The following SDK2 variants were observed in gnomAD, a reference collection of about 807,000 sequenced individuals.
The protein encoded by SDK2 is sidekick cell adhesion molecule 2.
In SDK2, 105 loss-of-function variants were observed where a neutral mutation model predicts 253.9. That is an observed-to-expected ratio of 0.41 (90% CI 0.35 to 0.49). The LOEUF (loss-of-function observed/expected upper bound fraction) is 0.49. Ranked by LOEUF, SDK2 falls within the 20% of genes least tolerant of loss-of-function variation. The pLI is 0.06. For missense variants in SDK2, 2,608 were observed against 3,003.0 expected, an observed-to-expected ratio of 0.87 and a Z score of 3.07; for synonymous variants, 1,249 against 1,234.9, an observed-to-expected ratio of 1.01 and a Z score of -0.24.
intron 38 of SDK2, among the ~76,000 whole-genome samples, chr17:73,364,031 C>T (rs998867495): frequency 7.9e-5 from 12 of 151,952 alleles, no homozygotes; most frequent in Middle Eastern, 3.4e-3. Context: ...CAGGTCTCTG[C>T]CCCTTGTTCT....
chr17:73,644,083 C>G lies in SDK2; in HGVS notation c.6G>C (p.Trp2Cys). 1.1e-5 allele frequency: 17 copies of G among 1,551,144 alleles called. No individual in the cohort carries two copies. Among genetic ancestry groups the G allele is most frequent in the Non-Finnish European group, 1.5e-5 (17 of 1,146,746 alleles). ...CTAGCAGTGTCCAGATCAAAAGCCC[C>G]CACATGGTGACCAGCCTGGAGAGGG... M[W>C]GLLIWTLLAL... The change falls in exon 1 of 45, where the codon TGG (tryptophan) becomes TGC (cysteine). Residue 2 changes from tryptophan to cysteine, a missense_variant. By Grantham distance (215) the Trp-to-Cys change is radical. Around this residue, in one of 2 missense-constraint regions of SDK2, gnomAD observed 1,505 missense variants for 1,859.1 expected, o/e 0.81. Coordinates refer to ENST00000392650, the MANE Select transcript of SDK2 (RefSeq NM_001144952.2). This position sits in a 1 kb window ranked among gnomAD's most constrained non-coding sequence, Gnocchi z 6.3.
chr17:73,505,545 GTCAATAGCTGGACCTCATCATCATCATCA>G (rs1567811729), intron 2 of SDK2, among the ~76,000 whole-genome samples: 29 of 130,866 alleles, frequency 2.2e-4, no homozygotes, highest in African/African-American at 8.1e-4. Flanking sequence ...CCTCATCATC[GTCAATAGCTGGACCTCATCATCATCATCA>G]TCAATAGCTG....
intron 3 of SDK2, among the ~76,000 whole-genome samples, chr17:73,461,461 G>C (rs1308402243): frequency 6.6e-6 from 1 of 152,262 alleles, no homozygotes; most frequent in African/African-American, 2.4e-5. Flanking sequence ...TTCAGACTGG[G>C]ATTTAGGTGA....
chr17:73,509,206 C>T (rs899684499), intron 1 of SDK2, among the ~76,000 whole-genome samples: 1 of 152,194 alleles, frequency 6.6e-6, no homozygotes, highest in Admixed American at 6.5e-5. Flanking sequence ...TTATCTGAGT[C>T]TCTATTTCTC....
intron 44 of SDK2, 112 bp from the exon 45 acceptor site, chr17:73,339,052 A>G: frequency 1.0e-6 from 1 of 968,724 alleles, no homozygotes; most frequent in Non-Finnish European, 1.6e-6. Flanking sequence ...TGCCTCTTTC[A>G]AGACTTGGAC....
chr17:73,481,370 G>A lies in SDK2; in HGVS notation c.225-9152C>T, dbSNP rs892171009. On this transcript the variant is annotated intron_variant, in intron 2 of 44. Transcript: ENST00000392650. This position sits in a 1 kb window ranked among gnomAD's most constrained non-coding sequence, Gnocchi z 4.5. ...AGGGAGGAACCCCTGACTCTGATGT[G>A]ATGGTTAATTTTAGGTGTCAACTTG... Among the ~76,000 whole-genome samples, 6 of 152,184 alleles carry A rather than the reference G, an allele frequency of 3.9e-5. No individual in the cohort carries two copies. The highest frequency in any genetic ancestry group is 2.0e-4 in the Admixed American group (3 of 15,286).
chr17:73,423,334 C>T, intron 14 of SDK2, 52 bp downstream of exon 14: 4 of 1,341,304 alleles, frequency 3.0e-6, no homozygotes, highest in Non-Finnish European at 3.9e-6. Context: ...AGGGCTGACT[C>T]CTAAGTCCAA....
chr17:73,503,347 C>T (rs1045962610), intron 2 of SDK2, among the ~76,000 whole-genome samples: 3 of 152,176 alleles, frequency 2.0e-5, no homozygotes, highest in Admixed American at 2.0e-4. Context: ...AAAATTGTGT[C>T]GTGCATGGTT....
chr17:73,408,177 G>A (rs183676473), intron 18 of SDK2, among the ~76,000 whole-genome samples: 24 of 149,282 alleles, frequency 1.6e-4, no homozygotes, highest in Admixed American at 5.4e-4. Flanking sequence ...TCAGCCTCCC[G>A]AGTAGCTGAG....
intron 1 of SDK2, among the ~76,000 whole-genome samples, chr17:73,562,172 A>G (rs987673216): frequency 1.3e-5 from 2 of 152,160 alleles, no homozygotes; most frequent in Non-Finnish European, 2.9e-5. Flanking sequence ...AAAGGATCCA[A>G]GTCAAAGCAA....
chr17:73,613,038 C>T (rs1567873340), intron 1 of SDK2, among the ~76,000 whole-genome samples: 2 of 152,192 alleles, frequency 1.3e-5, no homozygotes, highest in Non-Finnish European at 2.9e-5. Flanking sequence ...GTGGGAAACA[C>T]GGTCCCATTT....
At chr17:73,344,217 T>C in intron 44 of SDK2, among the ~76,000 whole-genome samples, 1 of 152,170 alleles carries the variant, frequency 6.6e-6, no homozygotes, top group East Asian at 1.9e-4. Flanking sequence ...AGAATGTCCT[T>C]TGAAAAATGT....
In SDK2 at chr17:73,363,175, C is replaced by T. The variant is rs544349793; in HGVS notation, c.5306-1330G>A. Among the ~76,000 whole-genome samples, 20 of 152,334 alleles carry T rather than the reference C, an allele frequency of 1.3e-4. No individual in the cohort carries two copies. In the East Asian group the frequency reaches 3.7e-3, roughly 28 times the overall value. On this transcript the variant is annotated intron_variant, in intron 38 of 44. Transcript: ENST00000392650. ...CTCAGCTCACTGAAACCTCCGCCTC[C>T]TGGGTTCAAGCGATTCTCCTGCCTC...
chr17:73,564,583 G>A (rs1354984201), intron 1 of SDK2, among the ~76,000 whole-genome samples: 1 of 152,182 alleles, frequency 6.6e-6, no homozygotes, highest in East Asian at 1.9e-4. Flanking sequence ...CCAGCACTTT[G>A]GGAGGTCGAG....
Position 73,481,315 on chromosome 17 carries a change from T to TGGA in SDK2, c.225-9100_225-9098dup, listed in dbSNP as rs2063722192. Among the ~76,000 whole-genome samples, 1 of 151,682 alleles carries TGGA rather than the reference T, an allele frequency of 6.6e-6. No individual in the cohort carries two copies. Among genetic ancestry groups the TGGA allele is most frequent in the South Asian group, 2.1e-4 (1 of 4,784 alleles). ...CCCCACCTTCTAGGGAACCTGAGGGTGGAGAGGGGGTACCCGCAGTGGACA... is the reference window on the plus strand; with the variant it reads ...CCCCACCTTCTAGGGAACCTGAGGGTGGAGGAGAGGGGGTACCCGCAGTGGACA... On this transcript the variant is annotated intron_variant, in intron 2 of 44. Coordinates refer to ENST00000392650, the MANE Select transcript of SDK2 (RefSeq NM_001144952.2). The surrounding 1 kb of genome is among the most constrained non-coding windows in gnomAD (Gnocchi z 4.5).
rs1257952409 is a variant in SDK2, at chr17:73,395,918, TTTTC to T, written c.3355-530_3355-527del. Among the ~76,000 whole-genome samples the T allele has an allele frequency of 6.6e-6, 1 of 150,520 alleles. No homozygotes were observed. Among genetic ancestry groups the T allele is most frequent in the African/African-American group, 2.5e-5 (1 of 40,220 alleles). Reference sequence around the variant, plus strand: ...TGCTGCATTTTCAGCCTCCTTTTTCTTTTCTTTTTTTTTTTTAAGACAGGGTCTG... The same window carrying T: ...TGCTGCATTTTCAGCCTCCTTTTTCTTTTTTTTTTTTTAAGACAGGGTCTG... On this transcript the variant is annotated intron_variant, in intron 24 of 44. Transcript: ENST00000392650. This position sits in a 1 kb window ranked among gnomAD's most constrained non-coding sequence, Gnocchi z 4.3.
chr17:73,368,560 T>C lies in SDK2; in HGVS notation c.5014A>G (p.Thr1672Ala). ...YFWEAQRGNL[T>A]ERVKTLFLAE... ...AGGAAAAGCGTCTTCACTCGCTCTG[T>C]GAGGTTCCCCCGCTGGGCTTCCCAG... is the stretch of plus-strand genomic sequence containing the variant. The change falls in exon 37 of 45, where the codon ACA becomes GCA. Residue 1672 changes from threonine to alanine, a missense_variant. Thr to Ala is a moderately conservative substitution (Grantham distance 58). Around this residue, in one of 2 missense-constraint regions of SDK2, gnomAD observed 1,103 missense variants for 1,143.9 expected, o/e 0.96. Coordinates refer to ENST00000392650, the MANE Select transcript of SDK2 (RefSeq NM_001144952.2). The C allele has an allele frequency of 6.2e-7, 1 of 1,602,658 alleles. No homozygotes were observed. The highest frequency in any genetic ancestry group is 1.3e-5 in the African/African-American group (1 of 74,734).
intron 1 of SDK2, among the ~76,000 whole-genome samples, chr17:73,588,387 C>CAAAAAAAAAAA (rs1215654213): frequency 1.0e-4 from 6 of 59,020 alleles, no homozygotes; most frequent in African/African-American, 3.4e-4. Context: ...AACTCCATCT[C>CAAAAAAAAAAA]AAAAAAAAAA....
chr17:73,545,287 G>A (rs914248739), intron 1 of SDK2, among the ~76,000 whole-genome samples: 6 of 152,060 alleles, frequency 3.9e-5, no homozygotes, highest in African/African-American at 1.4e-4. Context: ...CCCAGCTGCC[G>A]AGCCTGCCGC....
Sources: gnomAD v4.1 joint callset for allele counts (sites outside exome capture counted in the v4.1 genomes callset) on GRCh38, gnomAD v4.1.1 for gene constraint, gnomAD v4.1.1 regional missense constraint, Gnocchi (gnomAD v3.1) non-coding constraint, MANE v1.5 for transcripts, NCBI Gene and HGNC (gene_info 2026-07-23, HGNC 2026-07-21) for gene names.